The following SHC3 variants were observed in gnomAD, a reference collection of about 807,000 sequenced individuals.
The protein encoded by SHC3 is SHC-transforming protein 3.
A neutral mutation model predicts 60.4 loss-of-function variants in SHC3; 15 were observed. That is an observed-to-expected ratio of 0.25 (90% CI 0.17 to 0.38). SHC3 has a LOEUF of 0.38. Ranked by LOEUF, SHC3 falls within the 10% of genes least tolerant of loss-of-function variation. SHC3 has a pLI of 1.00. For synonymous variants in SHC3, 294 were observed against 325.9 expected (o/e 0.90, Z 1.05); for missense variants, 677 against 786.1 (o/e 0.86, Z 1.66).
chr9:89,039,141 G>A (rs1824632626), intron 10 of SHC3, among the ~76,000 whole-genome samples: 1 of 152,230 alleles, frequency 6.6e-6, no homozygotes, highest in African/African-American at 2.4e-5. Flanking sequence ...GGTTATTTCA[G>A]ACTACGCTGT....
chr9:89,120,941 C>T (rs1217484522), intron 1 of SHC3, among the ~76,000 whole-genome samples: 1 of 151,618 alleles, frequency 6.6e-6, no homozygotes, highest in Non-Finnish European at 1.5e-5. Flanking sequence ...AATTTATTTA[C>T]ATTTTAAAAG....
chr9:89,106,472 T>A (rs1258445525), intron 2 of SHC3, among the ~76,000 whole-genome samples: 1 of 152,180 alleles, frequency 6.6e-6, no homozygotes, highest in Non-Finnish European at 1.5e-5. Flanking sequence ...GCCCCTTCAG[T>A]GGTGGCTTCT....
chr9:89,143,790 G>A (rs1464439696), intron 1 of SHC3, among the ~76,000 whole-genome samples: 1 of 152,154 alleles, frequency 6.6e-6, no homozygotes, highest in Non-Finnish European at 1.5e-5. Context: ...GACCCAAGGG[G>A]CAGACTGGCC....
chr9:89,165,526 CAAAAA>C (rs35567194), intron 1 of SHC3, among the ~76,000 whole-genome samples: 1 of 121,158 alleles, frequency 8.3e-6, no homozygotes, highest in East Asian at 2.4e-4. Context: ...ATCATCAAGG[CAAAAA>C]AAAAAAAAAA....
intron 1 of SHC3, among the ~76,000 whole-genome samples, chr9:89,130,545 C>G (rs1322762713): frequency 1.3e-5 from 2 of 152,132 alleles, no homozygotes; most frequent in Non-Finnish European, 2.9e-5. Flanking sequence ...TGTAAAAGAA[C>G]AGAAATTATA....
At chr9:89,021,811 A>C (rs1564078351) in intron 11 of SHC3, among the ~76,000 whole-genome samples, 1 of 151,474 alleles carries the variant, frequency 6.6e-6, no homozygotes, top group African/African-American at 2.4e-5. Context: ...CCATGGAAAA[A>C]CTCTGTCACA....
chr9:89,014,971 C>T (rs1826071009), intron 11 of SHC3, among the ~76,000 whole-genome samples: 1 of 152,342 alleles, frequency 6.6e-6, no homozygotes, highest in Non-Finnish European at 1.5e-5. Context: ...CTCCCCCCAT[C>T]TCTGTAAGCA....
chr9:89,080,925 C>T (rs1312918080), intron 2 of SHC3, among the ~76,000 whole-genome samples: 1 of 151,918 alleles, frequency 6.6e-6, no homozygotes, highest in Non-Finnish European at 1.5e-5. Context: ...GGCCACCACG[C>T]CCAGCTAATT....
At chr9:89,177,779 CTT>C (rs1280994214) in intron 1 of SHC3, among the ~76,000 whole-genome samples, 1 of 152,232 alleles carries the variant, frequency 6.6e-6, no homozygotes, top group Non-Finnish European at 1.5e-5. Context: ...AGTGGTAAAC[CTT>C]TTCCCAATGG....
intron 1 of SHC3, among the ~76,000 whole-genome samples, chr9:89,175,420 T>A (rs916942036): frequency 1.3e-5 from 2 of 152,228 alleles, no homozygotes. Context: ...TAATTCACAT[T>A]CTAAGCTGTT....
intron 2 of SHC3, chr9:89,110,422 T>TTTAGTA: frequency 1.0e-6 from 1 of 985,204 alleles, no homozygotes; most frequent in Non-Finnish European, 1.2e-6. Flanking sequence ...CAAGAATTTC[T>TTTAGTA]TTAGTATATA....
At chr9:89,074,741 GT>G (rs1368151703) in intron 4 of SHC3, among the ~76,000 whole-genome samples, 3 of 140,858 alleles carry the variant, frequency 2.1e-5, no homozygotes, top group Non-Finnish European at 4.5e-5. Context: ...ATGACATGCC[GT>G]CCACTTCAAA....
chr9:89,085,460 C>G (rs984823278), intron 2 of SHC3, among the ~76,000 whole-genome samples: 2 of 152,336 alleles, frequency 1.3e-5, no homozygotes, highest in South Asian at 4.1e-4. Context: ...ATGCCAGATC[C>G]CTGAGGCAGT....
chr9:89,081,554 T>C (rs951062617), intron 2 of SHC3, among the ~76,000 whole-genome samples: 11 of 151,702 alleles, frequency 7.3e-5, no homozygotes, highest in African/African-American at 2.4e-4. Context: ...TCCCCTCTTC[T>C]GGCCACTGTG....
chr9:89,046,744 G>GAAAC (rs1267386391), intron 8 of SHC3, 100 bp downstream of exon 8: 2 of 1,304,332 alleles, frequency 1.5e-6, no homozygotes, highest in Admixed American at 6.2e-5. Flanking sequence ...TGTCAAAAAT[G>GAAAC]AAACAGAACA....
At chr9:89,130,638 A>T (rs915786792) in intron 1 of SHC3, among the ~76,000 whole-genome samples, 4 of 152,250 alleles carry the variant, frequency 2.6e-5, no homozygotes, top group African/African-American at 4.8e-5. Flanking sequence ...ACTACATGGA[A>T]ACTGAGCAAC....
chr9:89,086,489 C>A (rs1825532302), intron 2 of SHC3, among the ~76,000 whole-genome samples: 1 of 152,236 alleles, frequency 6.6e-6, no homozygotes, highest in East Asian at 1.9e-4. Flanking sequence ...GAGCGTGGAA[C>A]TTCCATGCCC....
intron 11 of SHC3, among the ~76,000 whole-genome samples, chr9:89,027,441 C>T (rs983109855): frequency 5.3e-5 from 8 of 151,430 alleles, no homozygotes; most frequent in South Asian, 4.2e-4. Context: ...CTCAGCCTCC[C>T]GAGTAGCTGG....
rs181576277 is a variant in SHC3, at chr9:89,033,136, G to A, written c.1656+4857C>T. Among the ~76,000 whole-genome samples the A allele has an allele frequency of 3.4e-4, 51 of 151,844 alleles. No individual in the cohort carries two copies. In the Middle Eastern group the frequency reaches 0.01, roughly 30 times the overall value. On this transcript the variant is annotated intron_variant, in intron 11 of 11. Transcript: ENST00000375835. ...TAAACACAGCTTTGGGCATTGGCTC[G>A]CTTGGATACCTGGTTTAATCGTATT...
Sources: gnomAD v4.1 joint callset for allele counts (sites outside exome capture counted in the v4.1 genomes callset) on GRCh38, gnomAD v4.1.1 for gene constraint, MANE v1.5 for transcripts, NCBI Gene and HGNC (gene_info 2026-07-23, HGNC 2026-07-21) for gene names.